ATAD3A: variants seen among roughly 807,000 people sequenced by gnomAD.
ATAD3A encodes the protein ATPase family AAA domain-containing protein 3A.
A neutral mutation model predicts 73.8 loss-of-function variants in ATAD3A; 46 were observed. The observed-to-expected ratio is 0.62, with a 90% CI of 0.49 to 0.80. The LOEUF (loss-of-function observed/expected upper bound fraction) is 0.80, where lower values mean the gene tolerates loss of function less well. Ranked by LOEUF, ATAD3A falls within the 30% of genes least tolerant of loss-of-function variation. The pLI, the probability that ATAD3A is intolerant of heterozygous loss-of-function variation, is 0.00. For missense variants in ATAD3A, 705 were observed against 838.0 expected, an observed-to-expected ratio of 0.84 and a Z score of 1.96; for synonymous variants, 319 against 350.0, an observed-to-expected ratio of 0.91 and a Z score of 0.99.
At chr1:1,518,353 A>T (rs1269453529) in intron 4 of ATAD3A, among the ~76,000 whole-genome samples, 1 of 128,794 alleles carries the variant, frequency 7.8e-6, no homozygotes, top group Non-Finnish European at 1.6e-5. Context: ...GCACTCGGGC[A>T]CACACACAGC....
rs919686365 is a variant in ATAD3A at position 1,534,633 on chromosome 1, C to A, written c.*561C>A. The A allele has an allele frequency of 5.7e-6, 1 of 174,110 alleles. No homozygotes were observed. The highest frequency in any genetic ancestry group is 5.8e-5 in the Admixed American group (1 of 17,158). 10.8% of individuals were successfully genotyped at this position (174,110 alleles called of 1,614,324 possible). ...CGCACTGTCAGCTGGCCGGTCCAAGCCTGTGGCTGGAGCTGGGGTCTGTTT... is the reference window on the plus strand; with the variant it reads ...CGCACTGTCAGCTGGCCGGTCCAAGACTGTGGCTGGAGCTGGGGTCTGTTT... On this transcript the variant is annotated 3_prime_UTR_variant, in exon 16 of 16. Coordinates refer to ENST00000378756, the MANE Select transcript of ATAD3A (RefSeq NM_001170535.3).
At chr1:1,528,261 C>T (rs558261262) in intron 14 of ATAD3A, among the ~76,000 whole-genome samples, 9 of 152,350 alleles carry the variant, frequency 5.9e-5, no homozygotes, top group Admixed American at 2.0e-4. Flanking sequence ...CCGCGCCCGG[C>T]GTCTTTTCCA....
intron 7 of ATAD3A, 79 bp from the exon 8 acceptor site, chr1:1,522,665 G>A: frequency 1.3e-6 from 2 of 1,584,532 alleles, no homozygotes; most frequent in Non-Finnish European, 8.6e-7. Flanking sequence ...AGAGAGGGTG[G>A]GGGCAGCCCC....
chr1:1,527,550 G>C, intron 13 of ATAD3A, 145 bp from the exon 14 acceptor site: 10 of 1,215,912 alleles, frequency 8.2e-6, no homozygotes, highest in Non-Finnish European at 1.1e-5. Context: ...GGTGCAGTGG[G>C]GCAGGTGGCC....
chr1:1,527,705 G>A lies in ATAD3A; in HGVS notation c.1348G>A (p.Val450Ile), dbSNP rs766752996. The A allele has an allele frequency of 3.1e-6, 5 of 1,612,440 alleles. No homozygotes were observed. The highest frequency in any genetic ancestry group is 4.5e-5 in the East Asian group (2 of 44,834). The change falls in exon 14 of 16, where the codon GTC becomes ATC. Residue 450 changes from valine to isoleucine, a missense_variant. Coordinates refer to ENST00000378756, the MANE Select transcript of ATAD3A (RefSeq NM_001170535.3). ...ATCCCCGCCCCGCAGGTTCATGCTG[G>A]TCCTGGCCAGCAACCAACCAGAGCA... ...TGQHSNKFML[V>I]LASNQPEQFD...
rs368010141 is a variant in ATAD3A at position 1,525,171 on chromosome 1, C to T, written c.1215-69C>T. 4.0e-3 allele frequency: 6,465 copies of T among 1,604,292 alleles called. 12 individuals are homozygous for T. The highest frequency in any genetic ancestry group is 4.9e-3 in the Non-Finnish European group (5,695 of 1,173,994). On this transcript the variant is annotated intron_variant, in intron 11 of 15. Coordinates refer to ENST00000378756, the MANE Select transcript of ATAD3A (RefSeq NM_001170535.3). ...CTGCCTGCTTGGCCTGCTCCTGCCG[C>T]GGCCGGACGCTGCTGTGGGCTGCTC... is the stretch of plus-strand genomic sequence containing the variant.
chr1:1,516,625 C>G (rs959980532), intron 2 of ATAD3A, among the ~76,000 whole-genome samples: 6 of 151,880 alleles, frequency 4.0e-5, no homozygotes, highest in Non-Finnish European at 8.8e-5. Context: ...GTTGGCCAGC[C>G]TGGTCTTGAA....
In ATAD3A at chr1:1,527,702, C is replaced by G; in HGVS notation, c.1345C>G (p.Leu449Val). ...RTGQHSNKFM[L>V]VLASNQPEQF... Reference sequence around the variant, plus strand: ...CTCATCCCCGCCCCGCAGGTTCATGCTGGTCCTGGCCAGCAACCAACCAGA... The same window carrying G: ...CTCATCCCCGCCCCGCAGGTTCATGGTGGTCCTGGCCAGCAACCAACCAGA... The change falls in exon 14 of 16, where the codon CTG becomes GTG. Residue 449 changes from leucine to valine, a missense_variant. Coordinates refer to ENST00000378756, the MANE Select transcript of ATAD3A (RefSeq NM_001170535.3). 6.2e-7 allele frequency: 1 copy of G among 1,611,404 alleles called. No individual in the cohort carries two copies. The highest frequency in any genetic ancestry group is 8.5e-7 in the Non-Finnish European group (1 of 1,178,590).
Position 1,522,845 on chromosome 1 carries a change from A to C in ATAD3A, c.852A>C (p.Leu284=), listed in dbSNP as rs751319057. 1 of 1,610,254 alleles carries C rather than the reference A, an allele frequency of 6.2e-7. No individual in the cohort carries two copies. Among genetic ancestry groups the C allele is most frequent in the South Asian group, 1.1e-5 (1 of 90,952 alleles). The change falls in exon 8 of 16, where the codon CTA becomes CTC. Residue 284 remains leucine, a synonymous_variant. Transcript: ENST00000378756. ...AGGCTCGGCTGGGGAAGCCGTCCCT[A>C]GTGAGGGAGACGTCCCGCATCACGG... ...FIEARLGKPS[L]VRETSRITVL...
Position 1,529,121 on chromosome 1 carries a change from A to ATGTTTGGCCCGGG in ATAD3A, c.1506-94_1506-93insCCGGGTGTTTGGC, listed in dbSNP as rs1239838520. 1.3e-5 allele frequency: 19 copies of ATGTTTGGCCCGGG among 1,515,132 alleles called. No individual in the cohort carries two copies. In the African/African-American group the frequency reaches 2.5e-4, roughly 20 times the overall value. 93.9% of individuals were successfully genotyped at this position (1,515,132 alleles called of 1,614,324 possible). ...GAAGTAGAGAGCCCCTCCAAAGAGG[A>ATGTTTGGCCCGGG]TGTTTGGCGTGGGTGTCGGCCTCGC... On this transcript the variant is annotated intron_variant, in intron 14 of 15. Coordinates refer to ENST00000378756, the MANE Select transcript of ATAD3A (RefSeq NM_001170535.3).
chr1:1,523,175 G>A lies in ATAD3A; in HGVS notation c.906+276G>A, dbSNP rs548408929. Among the ~76,000 whole-genome samples, 2 of 152,148 alleles carry A rather than the reference G, an allele frequency of 1.3e-5. No homozygotes were observed. The highest frequency in any genetic ancestry group is 2.1e-4 in the South Asian group (1 of 4,820). On this transcript the variant is annotated intron_variant, in intron 8 of 15. Transcript: ENST00000378756. The surrounding 1 kb of genome is among the most constrained non-coding windows in gnomAD (Gnocchi z 5.1). The stretch of plus-strand genomic sequence containing the variant: ...TCCTTGCAAGACCCGGGACTTGGGT[G>A]TGCGGCCGTCTATCAGGGAAGCTGC...
In ATAD3A at chr1:1,527,874, G is replaced by A. The variant is rs377344386; in HGVS notation, c.1505+12G>A. ...ACAGAAGGAAAGCAGTAAGTGTCCC[G>A]CCCCACCAGCCCCCGTCCAGGGGCC... On this transcript the variant is annotated intron_variant, in intron 14 of 15. Transcript: ENST00000378756. 11 of 1,605,970 alleles carry A rather than the reference G, an allele frequency of 6.8e-6. No individual in the cohort carries two copies. Among genetic ancestry groups the A allele is most frequent in the Admixed American group, 1.7e-5 (1 of 59,620 alleles).
chr1:1,523,758 C>G lies in ATAD3A; in HGVS notation c.964-81C>G. On this transcript the variant is annotated intron_variant, in intron 9 of 15. Coordinates refer to ENST00000378756, the MANE Select transcript of ATAD3A (RefSeq NM_001170535.3). The surrounding 1 kb of genome is among the most constrained non-coding windows in gnomAD (Gnocchi z 5.1). ...GGCTTCCCGAGGAGCCGAGTCTGCACCCAGGCATTCCCGCAGCCCCTTCCC... is the reference window on the plus strand; with the variant it reads ...GGCTTCCCGAGGAGCCGAGTCTGCAGCCAGGCATTCCCGCAGCCCCTTCCC... 1 of 1,604,158 alleles carries G rather than the reference C, an allele frequency of 6.2e-7. No individual in the cohort carries two copies. The highest frequency in any genetic ancestry group is 1.1e-5 in the South Asian group (1 of 90,112).
chr1:1,519,933 C>T (rs2767474), intron 5 of ATAD3A, among the ~76,000 whole-genome samples: 2 of 152,206 alleles, frequency 1.3e-5, no homozygotes, highest in Admixed American at 6.5e-5. Flanking sequence ...CGGCGTGGGC[C>T]TGTCTGTGGC....
intron 13 of ATAD3A, among the ~76,000 whole-genome samples, 168 bp from the exon 14 acceptor site, chr1:1,527,527 C>T (rs1209420934): frequency 1.3e-5 from 2 of 152,176 alleles, no homozygotes; most frequent in Admixed American, 1.3e-4. Flanking sequence ...GAAGCCAGGC[C>T]GGGGGACAGC....
chr1:1,525,963 G>A (rs1165111177), intron 12 of ATAD3A, among the ~76,000 whole-genome samples: 15 of 151,720 alleles, frequency 9.9e-5, no homozygotes, highest in Non-Finnish European at 1.5e-4. Context: ...CTCCCTTGAC[G>A]TTCTGAAGTG....
rs746218239 is a variant in ATAD3A, at chr1:1,520,215, G to A, written c.589G>A (p.Ala197Thr). 8 of 1,612,064 alleles carry A rather than the reference G, an allele frequency of 5.0e-6. No individual in the cohort carries two copies. The highest frequency in any genetic ancestry group is 1.8e-4 in the Middle Eastern group (1 of 5,598). ...LRVEAEARARAKAERENADII... is the reference protein window; with the variant it reads ...LRVEAEARARTKAERENADII... The stretch of plus-strand genomic sequence containing the variant: ...AGTGGAGGCCGAGGCCCGGGCGCGC[G>A]CCAAGGCCGAGCGGGAGAATGCAGA... The change falls in exon 6 of 16, where the codon GCC becomes ACC. Residue 197 changes from alanine to threonine, a missense_variant. By Grantham distance (58) the Ala-to-Thr change is moderately conservative. Around this residue, in one of 5 missense-constraint regions of ATAD3A, gnomAD observed 315 missense variants for 334.1 expected, o/e 0.94. Transcript: ENST00000378756. The surrounding 1 kb of genome is among the most constrained non-coding windows in gnomAD (Gnocchi z 4.0).
intron 15 of ATAD3A, 72 bp downstream of exon 15, chr1:1,529,403 C>T (rs1641959984): frequency 2.0e-6 from 3 of 1,507,540 alleles, no homozygotes; most frequent in Middle Eastern, 1.9e-4. Flanking sequence ...TGCGCCAGGC[C>T]TGTCCCAGCA....
intron 4 of ATAD3A, among the ~76,000 whole-genome samples, chr1:1,518,571 A>G (rs1641459958): frequency 9.3e-6 from 1 of 107,866 alleles, no homozygotes; most frequent in African/African-American, 3.8e-5. Context: ...CGTCACAGGG[A>G]CACACACACA....
Sources: allele counts gnomAD v4.1 joint callset (sites outside exome capture counted in the v4.1 genomes callset), GRCh38; gene constraint gnomAD v4.1.1; regional missense constraint gnomAD v4.1.1; non-coding constraint Gnocchi (gnomAD v3.1); transcripts MANE v1.5; gene names NCBI Gene and HGNC (gene_info 2026-07-23, HGNC 2026-07-21).